Variants in ESRRB observed in about 807,000 individuals in gnomAD.
ESRRB encodes the protein estrogen related receptor beta, also known as steroid hormone receptor ERR2.
In ESRRB, 16 loss-of-function variants were observed where a neutral mutation model predicts 46.0. The ratio of observed to expected loss-of-function variants is 0.35; its 90% CI spans 0.24 to 0.53. The LOEUF (loss-of-function observed/expected upper bound fraction) is 0.53. ESRRB is among the 20% of genes least tolerant of loss of function. The pLI, the probability that ESRRB is intolerant of heterozygous loss-of-function variation, is 0.93. For synonymous variants in ESRRB, 246 were observed against 259.6 expected (o/e 0.95, Z 0.50); for missense variants, 488 against 607.4 (o/e 0.80, Z 2.07).
At chr14:76,379,298 A>G (rs1442899950) in intron 1 of ESRRB, among the ~76,000 whole-genome samples, 1 of 152,184 alleles carries the variant, frequency 6.6e-6, no homozygotes, top group African/African-American at 2.4e-5. Flanking sequence ...TGGGTCCATG[A>G]CTGGACCAGC....
At chr14:76,351,736 A>G (rs1334974714) in intron 1 of ESRRB, among the ~76,000 whole-genome samples, 1 of 152,108 alleles carries the variant, frequency 6.6e-6, no homozygotes, top group Non-Finnish European at 1.5e-5. Flanking sequence ...TTCTGTTCAG[A>G]GCATATGACC....
intron 1 of ESRRB, among the ~76,000 whole-genome samples, chr14:76,395,471 A>T (rs1187300550): frequency 6.6e-6 from 1 of 152,182 alleles, no homozygotes; most frequent in African/African-American, 2.4e-5. Flanking sequence ...GTGGTGCAGC[A>T]GAGCAAGCAG....
At chr14:76,468,032 G>A (rs148338704) in intron 3 of ESRRB, among the ~76,000 whole-genome samples, 18 of 152,294 alleles carry the variant, frequency 1.2e-4, no homozygotes, top group African/African-American at 4.1e-4. Context: ...TGTGCTTGTT[G>A]GGAAGGTGGA....
chr14:76,438,433 G>A lies in ESRRB; in HGVS notation c.51-908G>A, dbSNP rs567958610. Among the ~76,000 whole-genome samples the A allele has an allele frequency of 3.3e-5, 5 of 152,220 alleles. No individual in the cohort carries two copies. In the South Asian group the frequency reaches 6.2e-4, roughly 19 times the overall value. On this transcript the variant is annotated intron_variant, in intron 1 of 6. Transcript: ENST00000644823. ...TCCCAACAGTTTGGGAGGCCGAGGC[G>A]GGTGGATCACCTAAGGTCAGGAGAT...
chr14:76,356,203 AGTGATG>A (rs1315563349), intron 1 of ESRRB, among the ~76,000 whole-genome samples: 1 of 152,154 alleles, frequency 6.6e-6, no homozygotes, highest in East Asian at 1.9e-4. Context: ...TGGGTTCATG[AGTGATG>A]GTGCAGAGAG....
intron 6 of ESRRB, among the ~76,000 whole-genome samples, chr14:76,492,822 A>G (rs1890279027): frequency 6.6e-6 from 1 of 152,242 alleles, no homozygotes; most frequent in Non-Finnish European, 1.5e-5. Context: ...GGAGAGAGGC[A>G]GGCGTTGGGT....
chr14:76,337,645 G>T (rs900450186), intron 1 of ESRRB, among the ~76,000 whole-genome samples: 8 of 152,196 alleles, frequency 5.3e-5, no homozygotes, highest in Admixed American at 2.0e-4. Context: ...CTTTCTCTTT[G>T]CTCCAGCAAA....
At chr14:76,433,921 C>G (rs1373597278) in intron 1 of ESRRB, among the ~76,000 whole-genome samples, 1 of 151,808 alleles carries the variant, frequency 6.6e-6, no homozygotes, top group Admixed American at 6.6e-5. Flanking sequence ...GTTACATCTT[C>G]TCTGTCTTCT....
chr14:76,491,808 T>G, intron 6 of ESRRB, 92 bp downstream of exon 6: 1 of 1,388,482 alleles, frequency 7.2e-7, no homozygotes, highest in Non-Finnish European at 9.6e-7. Context: ...CAGGGCTGGC[T>G]GCCATGGATA....
chr14:76,385,974 G>C (rs1228341384), intron 1 of ESRRB, among the ~76,000 whole-genome samples: 1 of 152,224 alleles, frequency 6.6e-6, no homozygotes, highest in Non-Finnish European at 1.5e-5. Context: ...TATAGTAGGT[G>C]TGCATTAAAT....
At chr14:76,371,527 T>C (rs541720695), upstream of ESRRB, 1 of 152,336 alleles carries the variant, frequency 6.6e-6, no homozygotes, top group African/African-American at 2.4e-5. Context: ...GGAAGAGAAA[T>C]GAGCTTGGCT....
At position 76,347,414 on chromosome 14, in the gene ESRRB, AGTGT is replaced by A. The variant is rs34971102; in HGVS notation, c.2+36515_2+36518del. Among the ~76,000 whole-genome samples the A allele has an allele frequency of 4.2e-5, 4 of 96,132 alleles. 1 individual carries two copies. The highest frequency in any genetic ancestry group is 1.4e-4 in the African/African-American group (4 of 27,958). 63.1% of individuals were successfully genotyped at this position (96,132 alleles called of 152,430 possible). A position where few individuals can be genotyped will look rare whatever the true frequency, so the allele number is the denominator to read the frequency against. ...AAATGGGGACAGTATTTGCTCATGA[AGTGT>A]GTGTGTGTGTGTGTGTCACACACAC... On this transcript the variant is annotated intron_variant, in intron 1 of 6. Transcript: ENST00000512784.
chr14:76,423,949 T>C (rs1887087576), intron 1 of ESRRB, among the ~76,000 whole-genome samples: 1 of 152,098 alleles, frequency 6.6e-6, no homozygotes, highest in Admixed American at 6.6e-5. Flanking sequence ...TGAGGCCTTC[T>C]GAGCTGTGGA....
chr14:76,459,298 C>T (rs535535458), intron 2 of ESRRB, among the ~76,000 whole-genome samples: 1 of 152,278 alleles, frequency 6.6e-6, no homozygotes, highest in Admixed American at 6.5e-5. Flanking sequence ...CTGGGTGTCC[C>T]AGGCAGTGGG....
chr14:76,367,402 A>T (rs896123083), upstream of ESRRB, among the ~76,000 whole-genome samples: 18 of 151,988 alleles, frequency 1.2e-4, no homozygotes, highest in African/African-American at 2.7e-4. Flanking sequence ...AAAAAATTTT[A>T]AAAAATTAGC....
At chr14:76,346,485 T>C (rs539479339) in intron 1 of ESRRB, among the ~76,000 whole-genome samples, 33 of 152,260 alleles carry the variant, frequency 2.2e-4, no homozygotes, top group African/African-American at 7.7e-4. Flanking sequence ...GCAGAGAGCA[T>C]AGGGGTCTGC....
At chr14:76,493,231 T>C (rs1448110196) in intron 6 of ESRRB, among the ~76,000 whole-genome samples, 2 of 152,196 alleles carry the variant, frequency 1.3e-5, no homozygotes, top group Non-Finnish European at 2.9e-5. Flanking sequence ...CTCGGCTCAC[T>C]GCAACCTCTG....
intron 1 of ESRRB, among the ~76,000 whole-genome samples, chr14:76,391,346 C>A (rs112125396): frequency 2.4e-4 from 37 of 152,246 alleles, no homozygotes; most frequent in African/African-American, 8.4e-4. Context: ...CAGGTTCAGA[C>A]CTTTGCCATC....
At chr14:76,464,779 A>C (rs758184615) in intron 3 of ESRRB, among the ~76,000 whole-genome samples, 7 of 151,798 alleles carry the variant, frequency 4.6e-5, no homozygotes, top group Non-Finnish European at 8.8e-5. Flanking sequence ...GGGTCCCCTG[A>C]CTCCTATGTT....
Sources: allele counts gnomAD v4.1 joint callset (sites outside exome capture counted in the v4.1 genomes callset), GRCh38; gene constraint gnomAD v4.1.1; transcripts MANE v1.5; gene names NCBI Gene and HGNC (gene_info 2026-07-23, HGNC 2026-07-21).